Variants in CELF2 observed in about 807,000 individuals in gnomAD.
CELF2 encodes CUG triplet repeat RNA-binding protein 2.
In CELF2, 8 loss-of-function variants were observed where a neutral mutation model predicts 62.6. The ratio of observed to expected loss-of-function variants is 0.13; its 90% CI spans 0.07 to 0.23. The LOEUF is 0.23. Among genes scored for constraint, CELF2 ranks in the 10% least tolerant of loss-of-function variants. The pLI is 1.00. For missense variants in CELF2, 333 were observed against 671.0 expected (o/e 0.50, Z 5.56); for synonymous variants, 258 against 250.0 (o/e 1.03, Z -0.30).
intron 2 of CELF2, among the ~76,000 whole-genome samples, chr10:11,167,491 C>T (rs575764562): frequency 7.2e-5 from 11 of 152,276 alleles, no homozygotes; most frequent in African/African-American, 2.6e-4. Context: ...TGCCTGGTTC[C>T]GGGACTTTCA....
At chr10:11,326,459 G>A (rs376044431) in intron 12 of CELF2, among the ~76,000 whole-genome samples, 4 of 152,312 alleles carry the variant, frequency 2.6e-5, no homozygotes, top group Non-Finnish European at 4.4e-5. Flanking sequence ...TACATAGCAC[G>A]CTGCATGATG....
intron 1 of CELF2, among the ~76,000 whole-genome samples, chr10:10,874,104 G>C (rs2060932768): frequency 6.6e-6 from 1 of 152,140 alleles, no homozygotes; most frequent in South Asian, 2.1e-4. Context: ...TTGAGCCCAG[G>C]AGTTTGACAC....
At chr10:10,536,517 A>G in the CELF2 span, among the ~76,000 whole-genome samples, 1 of 152,216 alleles carries the variant, frequency 6.6e-6, no homozygotes, top group Non-Finnish European at 1.5e-5. Flanking sequence ...ACGAATCTCA[A>G]GACACTGATG....
chr10:10,714,317 G>C, the CELF2 span, among the ~76,000 whole-genome samples: 1 of 152,134 alleles, frequency 6.6e-6, no homozygotes, highest in African/African-American at 2.4e-5. Flanking sequence ...TTTGGTAAAA[G>C]AAATTTTCGT....
the CELF2 span, among the ~76,000 whole-genome samples, chr10:10,541,107 G>A: frequency 6.6e-6 from 1 of 152,048 alleles, no homozygotes; most frequent in East Asian, 1.9e-4. Context: ...GCCGGGCGTG[G>A]TGGTGGGTGC....
chr10:11,139,188 A>G (rs1401011555), intron 1 of CELF2, among the ~76,000 whole-genome samples: 3 of 152,238 alleles, frequency 2.0e-5, no homozygotes, highest in African/African-American at 7.2e-5. Context: ...ACTGAAATAA[A>G]TAAATGTGGA....
chr10:11,174,234 C>G (rs796633867), intron 2 of CELF2, among the ~76,000 whole-genome samples: 24 of 151,950 alleles, frequency 1.6e-4, no homozygotes, highest in African/African-American at 5.3e-4. Context: ...AGGAATTTGT[C>G]AAAGCCTGAA....
the CELF2 span, among the ~76,000 whole-genome samples, chr10:10,517,909 C>T: frequency 9.2e-5 from 14 of 152,326 alleles, no homozygotes; most frequent in African/African-American, 3.4e-4. Flanking sequence ...ACTTCCTTTT[C>T]CGGCTTTCCA....
chr10:10,667,754 C>T, the CELF2 span, among the ~76,000 whole-genome samples: 6 of 152,202 alleles, frequency 3.9e-5, no homozygotes, highest in African/African-American at 1.4e-4. Context: ...AATTTGGAAT[C>T]AGAAGAAGTC....
At chr10:10,712,383 G>A in the CELF2 span, among the ~76,000 whole-genome samples, 1 of 152,050 alleles carries the variant, frequency 6.6e-6, no homozygotes, top group African/African-American at 2.4e-5. Flanking sequence ...TTATTCTGTT[G>A]ACTTCCATGA....
chr10:11,052,994 G>T (rs1030954440), intron 1 of CELF2, among the ~76,000 whole-genome samples: 2 of 149,902 alleles, frequency 1.3e-5, no homozygotes, highest in African/African-American at 4.9e-5. Context: ...TACAGCCTGA[G>T]TTTTTTTTTT....
At chr10:10,476,760 CT>C in the CELF2 span, among the ~76,000 whole-genome samples, 3 of 151,938 alleles carry the variant, frequency 2.0e-5, no homozygotes, top group Admixed American at 6.6e-5. Flanking sequence ...TCAATCATAC[CT>C]TTTTTTATTT....
chr10:11,257,971 C>T, intron 5 of CELF2, 99 bp downstream of exon 5: 2 of 1,320,244 alleles, frequency 1.5e-6, no homozygotes, highest in Non-Finnish European at 2.1e-6. Context: ...CAAGAGGTCA[C>T]CCTGTAATAC....
intron 1 of CELF2, among the ~76,000 whole-genome samples, chr10:11,099,974 G>A (rs1043835157): frequency 6.6e-6 from 1 of 151,490 alleles, no homozygotes; most frequent in Non-Finnish European, 1.5e-5. Context: ...GCTCAGATGG[G>A]CAGATCACCT....
the CELF2 span, among the ~76,000 whole-genome samples, chr10:10,789,987 G>T: frequency 6.6e-6 from 1 of 151,938 alleles, no homozygotes; most frequent in Non-Finnish European, 1.5e-5. Flanking sequence ...ATAAAAGCAA[G>T]AAATGAAATT....
chr10:11,071,009 G>A (rs2069781449), intron 1 of CELF2, among the ~76,000 whole-genome samples: 1 of 152,126 alleles, frequency 6.6e-6, no homozygotes, highest in South Asian at 2.1e-4. Flanking sequence ...TGAGAAATTT[G>A]GCTATTTAAA....
At chr10:10,827,473 G>GA (rs1227059508) in intron 1 of CELF2, among the ~76,000 whole-genome samples, 3 of 152,248 alleles carry the variant, frequency 2.0e-5, no homozygotes, top group East Asian at 3.9e-4. Context: ...CATCAGTGAA[G>GA]AAAAAAGAGT....
chr10:11,234,679 CAAAAAAAAAAAA>C (rs11387214), intron 3 of CELF2, among the ~76,000 whole-genome samples: 1 of 83,282 alleles, frequency 1.2e-5, no homozygotes. Flanking sequence ...GACTCCATCT[CAAAAAAAAAAAA>C]AAAAAAAAAA....
At chr10:10,924,464 T>C (rs1476534330) in intron 2 of CELF2, among the ~76,000 whole-genome samples, 1 of 152,118 alleles carries the variant, frequency 6.6e-6, no homozygotes, top group Non-Finnish European at 1.5e-5. Flanking sequence ...AGGGATATAA[T>C]AGACCTTAAC....
Sources: gnomAD v4.1 joint callset for allele counts (sites outside exome capture counted in the v4.1 genomes callset) on GRCh38, gnomAD v4.1.1 for gene constraint, MANE v1.5 for transcripts, NCBI Gene and HGNC (gene_info 2026-07-23, HGNC 2026-07-21) for gene names.